Variants in CFAP210 observed in about 807,000 individuals in gnomAD.
The protein encoded by CFAP210 is cilia- and flagella- associated protein 210.
At chr2:169,677,340 A>T in the CFAP210 span, among the ~76,000 whole-genome samples, 61,998 of 152,108 alleles carry the variant, frequency 0.41, 12,927 homozygotes, top group Non-Finnish European at 0.44. Context: ...AATTCAATCC[A>T]TCAAAAGGAT....
chr2:169,674,608 TTC>T, the CFAP210 span: 4 of 1,608,848 alleles, frequency 2.5e-6, no homozygotes, highest in Non-Finnish European at 3.4e-6. Context: ...GAGCCACCCT[TTC>T]TCTGTGTCGT....
chr2:169,667,137 TTTTTC>T, the CFAP210 span, among the ~76,000 whole-genome samples: 34 of 116,242 alleles, frequency 2.9e-4, 7 homozygotes, highest in Admixed American at 3.9e-4. Context: ...CAAATTTTCT[TTTTTC>T]TTTTTTTTTT....
chr2:169,689,009 A>G, the CFAP210 span, among the ~76,000 whole-genome samples: 1 of 152,212 alleles, frequency 6.6e-6, no homozygotes, highest in Non-Finnish European at 1.5e-5. Flanking sequence ...CCTCAGAATC[A>G]TGGCAGGAGT....
At chr2:169,656,492 A>G in the CFAP210 span, among the ~76,000 whole-genome samples, 3 of 135,078 alleles carry the variant, frequency 2.2e-5, no homozygotes, top group South Asian at 7.1e-4. Flanking sequence ...GTGGAGAAGG[A>G]GGTGCGGGAG....
the CFAP210 span, chr2:169,694,324 C>A: frequency 6.2e-7 from 1 of 1,613,990 alleles, no homozygotes; most frequent in Non-Finnish European, 8.5e-7. Flanking sequence ...GACGAGGTGT[C>A]CATGATGCTC....
At chr2:169,693,046 TTGA>T in the CFAP210 span, among the ~76,000 whole-genome samples, 1 of 152,222 alleles carries the variant, frequency 6.6e-6, no homozygotes, top group Admixed American at 6.5e-5. Flanking sequence ...AAAGTCGATA[TTGA>T]TGATTTTTGC....
At chr2:169,673,605 AG>A in the CFAP210 span, among the ~76,000 whole-genome samples, 4,150 of 152,270 alleles carry the variant, frequency 0.027, 79 homozygotes, top group East Asian at 0.1. Context: ...TGTGACATAC[AG>A]GTATGTGAAA....
chr2:169,681,196 C>T, the CFAP210 span: 2 of 1,613,382 alleles, frequency 1.2e-6, no homozygotes, highest in South Asian at 2.2e-5. Flanking sequence ...GTAGAAGAGG[C>T]AGATAGAGAA....
At chr2:169,669,311 C>G in the CFAP210 span, among the ~76,000 whole-genome samples, 1 of 152,022 alleles carries the variant, frequency 6.6e-6, no homozygotes, top group Non-Finnish European at 1.5e-5. Flanking sequence ...GAGGAGGTTG[C>G]GAAGTAGGCA....
At chr2:169,686,112 G>A in the CFAP210 span, among the ~76,000 whole-genome samples, 905 of 152,170 alleles carry the variant, frequency 5.9e-3, 8 homozygotes, top group African/African-American at 0.02. Flanking sequence ...TCGAACTCCC[G>A]GTCTCAAGTG....
chr2:169,655,893 A>T, the CFAP210 span, among the ~76,000 whole-genome samples: 1 of 152,262 alleles, frequency 6.6e-6, no homozygotes, highest in African/African-American at 2.4e-5. Flanking sequence ...TCAGTAGAAC[A>T]AAAAGAAAAC....
At chr2:169,670,638 C>T in the CFAP210 span, among the ~76,000 whole-genome samples, 2 of 152,156 alleles carry the variant, frequency 1.3e-5, no homozygotes, top group African/African-American at 2.4e-5. Flanking sequence ...CCTGGAGAAT[C>T]CACTGTCACA....
chr2:169,692,480 A>ACG, the CFAP210 span, among the ~76,000 whole-genome samples: 2 of 145,584 alleles, frequency 1.4e-5, no homozygotes, highest in South Asian at 2.2e-4. Context: ...ACACACACAC[A>ACG]CCACACAGAG....
the CFAP210 span, among the ~76,000 whole-genome samples, chr2:169,671,582 C>A: frequency 6.6e-6 from 1 of 152,302 alleles, no homozygotes; most frequent in South Asian, 2.1e-4. Flanking sequence ...AATTCTCTTG[C>A]CTCAGCCTCC....
chr2:169,680,249 C>T, the CFAP210 span, among the ~76,000 whole-genome samples: 1 of 152,162 alleles, frequency 6.6e-6, no homozygotes, highest in African/African-American at 2.4e-5. Flanking sequence ...AAAAGACCAA[C>T]TATACCAAGT....
chr2:169,658,668 C>A, the CFAP210 span: 4 of 195,298 alleles, frequency 2.0e-5, no homozygotes, highest in South Asian at 2.8e-4. Context: ...TATTCTCAGT[C>A]AGTGCAGAAT....
At chr2:169,650,489 T>C in the CFAP210 span, 1 of 1,580,574 alleles carries the variant, frequency 6.3e-7, no homozygotes, top group Non-Finnish European at 8.6e-7. Context: ...ACTCAGGAAG[T>C]TATGTATTCT....
the CFAP210 span, among the ~76,000 whole-genome samples, chr2:169,670,763 C>A: frequency 1.3e-5 from 2 of 152,252 alleles, no homozygotes; most frequent in South Asian, 4.1e-4. Flanking sequence ...TGGGAGACAG[C>A]AAGGAGGAAG....
chr2:169,674,974 T>A, the CFAP210 span: 1 of 1,548,960 alleles, frequency 6.5e-7, no homozygotes, highest in Non-Finnish European at 8.7e-7. Context: ...AGATCAAGAA[T>A]TTGTCTTTCT....
Sources: gnomAD v4.1 joint callset for allele counts (sites outside exome capture counted in the v4.1 genomes callset) on GRCh38, gnomAD v4.1.1 for gene constraint, MANE v1.5 for transcripts, NCBI Gene and HGNC (gene_info 2026-07-23, HGNC 2026-07-21) for gene names.